Variants in GNA14 observed in about 807,000 individuals in gnomAD.
The protein encoded by GNA14 is guanine nucleotide-binding protein subunit alpha-14.
A neutral mutation model predicts 42.0 loss-of-function variants in GNA14; 50 were observed. The ratio of observed to expected loss-of-function variants is 1.19; its 90% CI spans 0.95 to 1.51. The LOEUF is 1.51. GNA14 is among the 40% of genes most tolerant of loss of function. The pLI is 0.00. For missense variants in GNA14, 473 were observed against 446.2 expected, an observed-to-expected ratio of 1.06 and a Z score of -0.54; for synonymous variants, 173 against 163.1, an observed-to-expected ratio of 1.06 and a Z score of -0.46.
chr9:77,643,087 C>T (rs1824293627), intron 1 of GNA14, among the ~76,000 whole-genome samples: 1 of 152,218 alleles, frequency 6.6e-6, no homozygotes, highest in South Asian at 2.1e-4. Flanking sequence ...TATTTGTGAA[C>T]TGTCCTTCTC....
Position 77,565,610 on chromosome 9 carries a change from G to T in GNA14, c.125-36357C>A, listed in dbSNP as rs180966572. Among the ~76,000 whole-genome samples the T allele has an allele frequency of 5.0e-3, 755 of 152,056 alleles. 6 individuals carry two copies. The highest frequency in any genetic ancestry group is 0.017 in the African/African-American group (696 of 41,478). ...GTAGCTGGGATTACAGGCATGCGCC[G>T]CCATGCCTGCCTAATTTTTGCATTC... On this transcript the variant is annotated intron_variant, in intron 1 of 6. Coordinates refer to ENST00000341700, the MANE Select transcript of GNA14 (RefSeq NM_004297.4).
intron 1 of GNA14, among the ~76,000 whole-genome samples, chr9:77,622,659 G>A (rs991414123): frequency 1.3e-5 from 2 of 148,668 alleles, no homozygotes; most frequent in African/African-American, 5.0e-5. Context: ...GGCTGAGGCA[G>A]GCAGATCACG....
At chr9:77,479,761 T>C (rs1836507450) in intron 2 of GNA14, among the ~76,000 whole-genome samples, 1 of 152,182 alleles carries the variant, frequency 6.6e-6, no homozygotes, top group South Asian at 2.1e-4. Context: ...GAAGATGTCC[T>C]TCACATCCCT....
intron 1 of GNA14, among the ~76,000 whole-genome samples, chr9:77,572,271 C>G (rs1187407174): frequency 6.6e-6 from 1 of 152,056 alleles, no homozygotes; most frequent in Non-Finnish European, 1.5e-5. Context: ...GAAACAGAGA[C>G]CTAACACGTA....
At chr9:77,574,362 G>A (rs1587835009) in intron 1 of GNA14, among the ~76,000 whole-genome samples, 1 of 152,140 alleles carries the variant, frequency 6.6e-6, no homozygotes. Context: ...TTGTTTGTGT[G>A]GTAATTTCAA....
intron 1 of GNA14, among the ~76,000 whole-genome samples, chr9:77,615,944 TTGTTGC>T (rs1393814794): frequency 6.6e-6 from 1 of 151,966 alleles, no homozygotes; most frequent in Admixed American, 6.6e-5. Context: ...GTTGTTGTTG[TTGTTGC>T]ATTATGGTCA....
intron 2 of GNA14, among the ~76,000 whole-genome samples, chr9:77,513,549 G>C (rs1837202926): frequency 6.6e-6 from 1 of 152,188 alleles, no homozygotes; most frequent in South Asian, 2.1e-4. Flanking sequence ...AGCTCACGAA[G>C]TACTGGAAGA....
intron 1 of GNA14, among the ~76,000 whole-genome samples, chr9:77,643,184 C>G (rs1158018000): frequency 6.6e-6 from 1 of 151,852 alleles, no homozygotes; most frequent in African/African-American, 2.4e-5. Flanking sequence ...GATAAAGGAA[C>G]GTGGGCATAT....
intron 1 of GNA14, among the ~76,000 whole-genome samples, chr9:77,610,901 G>C (rs770830197): frequency 6.6e-6 from 1 of 152,174 alleles, no homozygotes. Flanking sequence ...TGTGAAAGGG[G>C]ACTCTGGTTT....
intron 1 of GNA14, among the ~76,000 whole-genome samples, chr9:77,586,064 A>G (rs1305498041): frequency 1.3e-5 from 2 of 152,114 alleles, no homozygotes; most frequent in Admixed American, 6.6e-5. Context: ...AACACTCCCC[A>G]GGCTACAACA....
chr9:77,499,854 T>A (rs1465883890), intron 2 of GNA14, among the ~76,000 whole-genome samples: 9 of 143,786 alleles, frequency 6.3e-5, no homozygotes, highest in Non-Finnish European at 1.3e-4. Flanking sequence ...TCTCAAAAAA[T>A]AAATAAATAA....
intron 1 of GNA14, among the ~76,000 whole-genome samples, chr9:77,592,284 T>C (rs901736198): frequency 2.0e-5 from 3 of 152,110 alleles, no homozygotes; most frequent in African/African-American, 7.2e-5. Flanking sequence ...CTAATAACTG[T>C]GTAATTGTGT....
chr9:77,475,527 G>C (rs765550766), intron 2 of GNA14, among the ~76,000 whole-genome samples: 16 of 151,818 alleles, frequency 1.1e-4, no homozygotes, highest in Admixed American at 2.6e-4. Flanking sequence ...TAAAACAGTA[G>C]AGAGAGCTGG....
chr9:77,523,267 G>A (rs1837385636), intron 2 of GNA14, among the ~76,000 whole-genome samples: 1 of 152,188 alleles, frequency 6.6e-6, no homozygotes, highest in Admixed American at 6.5e-5. Flanking sequence ...TGTACAGGAA[G>A]CAGGGTGCTG....
chr9:77,529,438 G>A (rs1027986315), intron 1 of GNA14, among the ~76,000 whole-genome samples, 185 bp from the exon 2 acceptor site: 10 of 152,116 alleles, frequency 6.6e-5, no homozygotes, highest in East Asian at 1.9e-4. Flanking sequence ...CAAGCCTCAC[G>A]CAAGTGCCAT....
chr9:77,527,385 C>T (rs552841331), intron 2 of GNA14, among the ~76,000 whole-genome samples: 3 of 152,308 alleles, frequency 2.0e-5, no homozygotes, highest in African/African-American at 7.2e-5. Context: ...TACCATAGGC[C>T]AAGCTTGTCC....
chr9:77,586,876 C>A (rs943042538), intron 1 of GNA14, among the ~76,000 whole-genome samples: 1 of 152,230 alleles, frequency 6.6e-6, no homozygotes, highest in African/African-American at 2.4e-5. Flanking sequence ...CACGCCTGGT[C>A]CCCCAGGTAG....
rs1368425970 is a variant in GNA14, at chr9:77,638,928, GTAGAA to G, written c.124+8737_124+8741del. ...ACATGTGTGAAATTTTCATAGCCCT[GTAGAA>G]TAAAGGCATGATTTTAAAAAACAAA... On this transcript the variant is annotated intron_variant, in intron 1 of 6. Transcript: ENST00000341700. Among the ~76,000 whole-genome samples the G allele has an allele frequency of 3.9e-5, 6 of 152,144 alleles. 1 individual carries two copies. The highest frequency in any genetic ancestry group is 8.8e-5 in the Non-Finnish European group (6 of 68,020).
chr9:77,445,777 G>A (rs952941775), intron 2 of GNA14, among the ~76,000 whole-genome samples: 5 of 151,938 alleles, frequency 3.3e-5, no homozygotes, highest in South Asian at 2.1e-4. Flanking sequence ...TTAATTGTAC[G>A]TGCCCAGGGG....
Sources: gnomAD v4.1 joint callset for allele counts (sites outside exome capture counted in the v4.1 genomes callset) on GRCh38, gnomAD v4.1.1 for gene constraint, MANE v1.5 for transcripts, NCBI Gene and HGNC (gene_info 2026-07-23, HGNC 2026-07-21) for gene names.